ASIC2: variants seen among roughly 807,000 people sequenced by gnomAD.
ASIC2 encodes acid-sensing ion channel 2.
In ASIC2, 25 loss-of-function variants were observed where a neutral mutation model predicts 57.3. The ratio of observed to expected loss-of-function variants is 0.44; its 90% confidence interval spans 0.32 to 0.61. The LOEUF (loss-of-function observed/expected upper bound fraction) is 0.61. Ranked by LOEUF, ASIC2 falls within the 20% of genes least tolerant of loss-of-function variation. The probability of loss-of-function intolerance (pLI) is 0.06; values close to 1 mark genes in which losing one functional copy is unlikely to be tolerated. For synonymous variants in ASIC2, 319 were observed against 307.5 expected (o/e 1.04, Z -0.39); for missense variants, 641 against 738.1 (o/e 0.87, Z 1.52).
chr17:33,472,853 A>G (rs1374147117), intron 1 of ASIC2, among the ~76,000 whole-genome samples: 2 of 152,196 alleles, frequency 1.3e-5, no homozygotes, highest in Non-Finnish European at 2.9e-5. Context: ...TTTGGAGTCC[A>G]GGAATTCTGG....
intron 1 of ASIC2, among the ~76,000 whole-genome samples, chr17:34,117,143 A>AT (rs1473013702): frequency 6.6e-6 from 1 of 152,064 alleles, no homozygotes; most frequent in African/African-American, 2.4e-5. Flanking sequence ...ATCTGTCAGG[A>AT]TTTTTCATTC....
At chr17:34,099,642 GA>G (rs1910750421) in intron 1 of ASIC2, among the ~76,000 whole-genome samples, 1 of 118,748 alleles carries the variant, frequency 8.4e-6, no homozygotes, top group African/African-American at 3.2e-5. Context: ...AAGAAAGAAA[GA>G]AAAGAGAGGA....
chr17:33,986,750 G>A (rs1348876427), intron 1 of ASIC2, among the ~76,000 whole-genome samples: 2 of 152,054 alleles, frequency 1.3e-5, no homozygotes, highest in Non-Finnish European at 1.5e-5. Context: ...CCTTTGAGGT[G>A]AGTCTTAATC....
At chr17:33,453,298 AAAAG>A (rs1217338276) in intron 1 of ASIC2, among the ~76,000 whole-genome samples, 1 of 152,072 alleles carries the variant, frequency 6.6e-6, no homozygotes, top group Non-Finnish European at 1.5e-5. Flanking sequence ...AAAAAAAAAA[AAAAG>A]AAACTGATTT....
At chr17:33,548,489 G>A (rs143387521) in intron 1 of ASIC2, among the ~76,000 whole-genome samples, 55 of 152,242 alleles carry the variant, frequency 3.6e-4, no homozygotes, top group African/African-American at 1.3e-3. Context: ...AAACTAGATT[G>A]GAAGTCAGAG....
intron 1 of ASIC2, among the ~76,000 whole-genome samples, chr17:33,740,051 T>G (rs1362054452): frequency 7.5e-6 from 1 of 134,018 alleles, no homozygotes; most frequent in Non-Finnish European, 1.7e-5. Flanking sequence ...AGAGGGAGAG[T>G]CAGGTAAGAG....
intron 1 of ASIC2, among the ~76,000 whole-genome samples, chr17:33,391,846 G>C (rs1909902565): frequency 6.6e-6 from 1 of 152,164 alleles, no homozygotes; most frequent in African/African-American, 2.4e-5. Flanking sequence ...ATCCTTCCAA[G>C]AACACTCTAC....
intron 1 of ASIC2, among the ~76,000 whole-genome samples, chr17:33,531,264 C>T (rs1915042305): frequency 6.6e-6 from 1 of 151,656 alleles, no homozygotes; most frequent in South Asian, 2.1e-4. Flanking sequence ...AAGGAGTGTG[C>T]TTTGTTTCTG....
At chr17:33,761,984 G>A (rs922073831) in intron 1 of ASIC2, among the ~76,000 whole-genome samples, 2 of 152,140 alleles carry the variant, frequency 1.3e-5, no homozygotes, top group Non-Finnish European at 2.9e-5. Flanking sequence ...TCTATGGTAG[G>A]CAAGGGTGGA....
At chr17:33,049,343 G>T (rs926877927) in intron 3 of ASIC2, among the ~76,000 whole-genome samples, 2 of 152,186 alleles carry the variant, frequency 1.3e-5, no homozygotes, top group African/African-American at 4.8e-5. Context: ...CTGTCTATAA[G>T]CTGGGAATAA....
intron 1 of ASIC2, among the ~76,000 whole-genome samples, chr17:34,049,608 T>G (rs1444896367): frequency 6.6e-6 from 1 of 152,136 alleles, no homozygotes; most frequent in Non-Finnish European, 1.5e-5. Flanking sequence ...CACCTCCCAG[T>G]CAGATCCAAT....
chr17:34,154,943 G>C (rs113996320), intron 1 of ASIC2, among the ~76,000 whole-genome samples: 160 of 152,108 alleles, frequency 1.1e-3, no homozygotes, highest in African/African-American at 3.7e-3. Context: ...GCCAAGTTAT[G>C]CCTAGCAGCC....
chr17:33,515,894 G>A (rs1198938554), intron 1 of ASIC2, among the ~76,000 whole-genome samples: 1 of 152,104 alleles, frequency 6.6e-6, no homozygotes, highest in Non-Finnish European at 1.5e-5. Flanking sequence ...TCAGAAGTTT[G>A]AGACCAGCCT....
chr17:33,311,962 C>T (rs1906443517), intron 1 of ASIC2, among the ~76,000 whole-genome samples: 2 of 152,286 alleles, frequency 1.3e-5, no homozygotes, highest in South Asian at 4.1e-4. Flanking sequence ...AATACTAAAG[C>T]AGTCTTTTCA....
At chr17:33,125,513 A>C (rs1264708531) in intron 1 of ASIC2, among the ~76,000 whole-genome samples, 1 of 152,242 alleles carries the variant, frequency 6.6e-6, no homozygotes, top group Non-Finnish European at 1.5e-5. Context: ...AAACATTTTT[A>C]GTTCATTCAA....
chr17:33,828,317 C>G (rs1913002317), intron 1 of ASIC2: 1 of 152,166 alleles, frequency 6.6e-6, no homozygotes, highest in African/African-American at 2.4e-5. Context: ...CTTTGATTCA[C>G]TGAGGGTCCT....
chr17:33,579,849 C>T (rs35385156), intron 1 of ASIC2, among the ~76,000 whole-genome samples: 24,704 of 151,958 alleles, frequency 0.16, 2,601 homozygotes, highest in Non-Finnish European at 0.23. Flanking sequence ...GCATTTATTC[C>T]CTTATTTGGC....
intron 1 of ASIC2, among the ~76,000 whole-genome samples, chr17:33,940,993 C>T (rs1434802068): frequency 2.0e-5 from 3 of 152,222 alleles, no homozygotes; most frequent in Non-Finnish European, 2.9e-5. Flanking sequence ...ATTCTAAGTG[C>T]GGTGAAGAAC....
intron 1 of ASIC2, among the ~76,000 whole-genome samples, chr17:33,651,211 G>T (rs563090458): frequency 3.3e-4 from 50 of 152,126 alleles, no homozygotes; most frequent in Non-Finnish European, 6.6e-4. Flanking sequence ...GTATTGGTCT[G>T]GTTAAGTGTA....
Sources: gnomAD v4.1 joint callset for allele counts (sites outside exome capture counted in the v4.1 genomes callset) on GRCh38, gnomAD v4.1.1 for gene constraint, MANE v1.5 for transcripts, NCBI Gene and HGNC (gene_info 2026-07-23, HGNC 2026-07-21) for gene names.